The following USH2A variants were observed in gnomAD, a reference collection of about 807,000 sequenced individuals.
The protein encoded by USH2A is Usher syndrome 2A (autosomal recessive, mild).
Under a neutral mutation model 538.9 loss-of-function variants are expected in USH2A, and 443 were observed. The observed-to-expected ratio is 0.82, with a 90% confidence interval of 0.76 to 0.89. The LOEUF is 0.89. Among genes scored for constraint, USH2A ranks in the 40% least tolerant of loss-of-function variants. USH2A has a pLI of 0.00. For missense variants in USH2A, 6,633 were observed against 6,324.8 expected, an observed-to-expected ratio of 1.05 and a Z score of -1.65; for synonymous variants, 2,413 against 2,273.5, an observed-to-expected ratio of 1.06 and a Z score of -1.75.
At chr1:216,401,623 A>G (rs1469434072) in intron 3 of USH2A, among the ~76,000 whole-genome samples, 3 of 152,122 alleles carry the variant, frequency 2.0e-5, no homozygotes, top group African/African-American at 7.2e-5. Flanking sequence ...ATCTGCAAAC[A>G]TTAATCAAAA....
rs536588999 is a variant in USH2A at position 215,663,377 on chromosome 1, TTAAG to T, written c.14133+7591_14133+7594del. ...ATGAGAAAGGTGAAGTTATCAGAAATTAAGTATCTTTCTTGCACAAGCTATGTGA... is the reference window on the plus strand; with the variant it reads ...ATGAGAAAGGTGAAGTTATCAGAAATTATCTTTCTTGCACAAGCTATGTGA... On this transcript the variant is annotated intron_variant, in intron 64 of 71. Transcript: ENST00000307340. Among the ~76,000 whole-genome samples, 41 of 152,294 alleles carry T rather than the reference TTAAG, an allele frequency of 2.7e-4. 1 individual carries two copies. In the South Asian group the frequency reaches 8.5e-3, roughly 32 times the overall value.
rs371458308 is a variant in USH2A, at chr1:216,239,771, C to T, written c.2809+6814G>A. Among the ~76,000 whole-genome samples, 24 of 152,082 alleles carry T rather than the reference C, an allele frequency of 1.6e-4. No homozygotes were observed. In the East Asian group the frequency reaches 2.9e-3, roughly 18 times the overall value. ...AGGAACAGAGGAAGGTGGCTTGGAC[C>T]TGGCTGGTGTAAGTAAGGGTGGCAA... On this transcript the variant is annotated intron_variant, in intron 13 of 71. Transcript: ENST00000307340.
At chr1:215,933,679 T>G (rs1399039640) in intron 38 of USH2A, among the ~76,000 whole-genome samples, 1 of 151,980 alleles carries the variant, frequency 6.6e-6, no homozygotes, top group Non-Finnish European at 1.5e-5. Flanking sequence ...TCTTCATAAC[T>G]GGAAGTGGGG....
At chr1:216,157,495 AC>A (rs1405272229) in intron 21 of USH2A, among the ~76,000 whole-genome samples, 1 of 152,210 alleles carries the variant, frequency 6.6e-6, no homozygotes, top group Non-Finnish European at 1.5e-5. Flanking sequence ...AAATCATTCT[AC>A]CAAAAAGACG....
intron 9 of USH2A, among the ~76,000 whole-genome samples, chr1:216,303,169 CAGA>C (rs1337799636): frequency 2.0e-5 from 3 of 151,848 alleles, no homozygotes; most frequent in Non-Finnish European, 4.4e-5. Flanking sequence ...CTTAAGAGAA[CAGA>C]AGGAGGATTT....
chr1:216,422,548 T>A lies in USH2A; in HGVS notation c.-204-8A>T. ...ATGAGTAGCTGCTGGTATCTGGGAA[T>A]CAAAAACGTAGGGCGTCAAGGGAAA... On this transcript the variant is annotated splice_region_variant and splice_polypyrimidine_tract_variant and intron_variant, in intron 1 of 71. Coordinates refer to ENST00000307340, the MANE Select transcript of USH2A (RefSeq NM_206933.4). 1 of 621,640 alleles carries A rather than the reference T, an allele frequency of 1.6e-6. No individual in the cohort carries two copies. The allele number at this position is 621,640 out of a possible 1,614,324, so 38.5% of individuals were successfully genotyped here. A position where few individuals can be genotyped will look rare whatever the true frequency, so the allele number is the denominator to read the frequency against.
intron 64 of USH2A, among the ~76,000 whole-genome samples, chr1:215,668,108 A>G (rs1485732029): frequency 1.3e-5 from 2 of 152,232 alleles, no homozygotes; most frequent in Non-Finnish European, 2.9e-5. Flanking sequence ...TCCTCTGCAG[A>G]AGGGTGAAAT....
intron 21 of USH2A, among the ~76,000 whole-genome samples, chr1:216,156,295 CTTTTTTT>C (rs35698520): frequency 9.5e-6 from 1 of 105,526 alleles, no homozygotes; most frequent in Non-Finnish European, 1.9e-5. Context: ...TTTTTTTTTT[CTTTTTTT>C]TTTTTTTTTT....
chr1:215,808,655 A>G (rs151086026), intron 49 of USH2A, among the ~76,000 whole-genome samples: 1 of 152,152 alleles, frequency 6.6e-6, no homozygotes, highest in East Asian at 1.9e-4. Context: ...CTTGTATAGT[A>G]TGTCATGTAA....
intron 4 of USH2A, among the ~76,000 whole-genome samples, chr1:216,349,766 C>A (rs2038243304): frequency 6.6e-6 from 1 of 152,266 alleles, no homozygotes. Context: ...AAATGGGCAA[C>A]CAGCAGTCCT....
intron 63 of USH2A, among the ~76,000 whole-genome samples, chr1:215,673,618 G>A (rs894035110): frequency 6.6e-6 from 1 of 152,168 alleles, no homozygotes; most frequent in Non-Finnish European, 1.5e-5. Flanking sequence ...ATTATTCCTG[G>A]AAGAAGTGCT....
At chr1:215,842,981 T>C (rs375764961) in intron 46 of USH2A, among the ~76,000 whole-genome samples, 2 of 151,950 alleles carry the variant, frequency 1.3e-5, no homozygotes, top group South Asian at 4.1e-4. Context: ...TAAAATACAT[T>C]TAAATGAAAA....
At chr1:216,006,754 G>T (rs1209566830) in intron 32 of USH2A, among the ~76,000 whole-genome samples, 4 of 152,132 alleles carry the variant, frequency 2.6e-5, no homozygotes. Flanking sequence ...AGCCCTTAGA[G>T]CTTCCTCTTC....
chr1:215,730,080 C>T (rs1281407384), intron 60 of USH2A, among the ~76,000 whole-genome samples: 1 of 152,006 alleles, frequency 6.6e-6, no homozygotes, highest in African/African-American at 2.4e-5. Flanking sequence ...GAAACTAGGG[C>T]CAAATGCATA....
rs530551421 is a variant in USH2A, at chr1:215,737,570, C to T, written c.11711+3805G>A. On this transcript the variant is annotated intron_variant, in intron 60 of 71. Coordinates refer to ENST00000307340, the MANE Select transcript of USH2A (RefSeq NM_206933.4). ...TGTTTATTTAGCCTGTCTTATATCTCCCACTGTAGTGAAGATCATTGGTAA... is the reference window on the plus strand; with the variant it reads ...TGTTTATTTAGCCTGTCTTATATCTTCCACTGTAGTGAAGATCATTGGTAA... 7.2e-5 allele frequency among the ~76,000 whole-genome samples: 11 copies of T among 151,972 alleles called. 1 individual carries two copies. In the South Asian group the frequency reaches 2.3e-3, roughly 31 times the overall value.
chr1:216,202,106 C>T (rs190780114), intron 16 of USH2A, among the ~76,000 whole-genome samples: 3 of 152,084 alleles, frequency 2.0e-5, no homozygotes, highest in East Asian at 1.9e-4. Context: ...GCTAGAACAA[C>T]GATGGAAAAT....
chr1:216,329,231 A>G (rs993089340), intron 4 of USH2A, among the ~76,000 whole-genome samples: 1 of 152,220 alleles, frequency 6.6e-6, no homozygotes, highest in African/African-American at 2.4e-5. Flanking sequence ...TCTAAAATTT[A>G]TAATTAGTTA....
rs1558038124 is a variant in USH2A, at chr1:216,324,229, C to T, written c.1267G>A (p.Gly423Arg). ...TCCAAATCTCCATTGTTTTTCATTC[C>T]AAAAGCACCACAATTCCTGGCAAAA... Reference protein sequence around the residue: ...QYFARNCGAFGMKNNGDLEKP... With the variant: ...QYFARNCGAFRMKNNGDLEKP... Residue 423 changes from glycine (G) to arginine (R), a missense_variant, in exon 7 of 72, where the codon GGA (glycine) becomes AGA (arginine). By Grantham distance (125) the Gly-to-Arg change is moderately radical (BLOSUM62 -2). Transcript: ENST00000307340. 3 of 1,613,260 alleles carry T rather than the reference C, an allele frequency of 1.9e-6. No individual in the cohort carries two copies. The highest frequency in any genetic ancestry group is 2.5e-6 in the Non-Finnish European group (3 of 1,179,618).
At chr1:215,835,078 T>C (rs1242164757) in intron 47 of USH2A, among the ~76,000 whole-genome samples, 1 of 151,352 alleles carries the variant, frequency 6.6e-6, no homozygotes, top group Admixed American at 6.6e-5. Flanking sequence ...CTATAATTTT[T>C]TTTCCTCACC....
Sources: allele counts gnomAD v4.1 joint callset (sites outside exome capture counted in the v4.1 genomes callset), GRCh38; gene constraint gnomAD v4.1.1; transcripts MANE v1.5; gene names NCBI Gene and HGNC (gene_info 2026-07-23, HGNC 2026-07-21).